The following RTN3 variants were observed in gnomAD, a reference collection of about 807,000 sequenced individuals.
RTN3 encodes reticulon 3, also known as reticulon-3.
A neutral mutation model predicts 77.8 loss-of-function variants in RTN3; 49 were observed. The ratio of observed to expected loss-of-function variants is 0.63; its 90% CI spans 0.50 to 0.80. The LOEUF is 0.80. Ranked by LOEUF, RTN3 falls within the 30% of genes least tolerant of loss-of-function variation. The pLI is 0.00. For missense variants in RTN3, 1,236 were observed against 1,211.9 expected, an observed-to-expected ratio of 1.02 and a Z score of -0.29; for synonymous variants, 464 against 446.9, an observed-to-expected ratio of 1.04 and a Z score of -0.48.
intron 1 of RTN3, among the ~76,000 whole-genome samples, chr11:63,696,738 G>T (rs1230628268): frequency 2.7e-5 from 4 of 150,608 alleles, no homozygotes; most frequent in Non-Finnish European, 5.9e-5. Context: ...TAGAGACAGG[G>T]TTTCACCATG....
At chr11:63,697,392 G>A (rs1436174432) in intron 1 of RTN3, among the ~76,000 whole-genome samples, 2 of 151,336 alleles carry the variant, frequency 1.3e-5, no homozygotes, top group East Asian at 1.9e-4. Context: ...TGCAACCTCC[G>A]TGTCCCAGAT....
At chr11:63,736,694 T>A (rs1032128570) in intron 3 of RTN3, among the ~76,000 whole-genome samples, 1 of 152,096 alleles carries the variant, frequency 6.6e-6, no homozygotes, top group Non-Finnish European at 1.5e-5. Flanking sequence ...AAAAAAATTT[T>A]AAAAAATAAG....
At chr11:63,690,112 G>A (rs1335508483) in intron 1 of RTN3, among the ~76,000 whole-genome samples, 1 of 152,070 alleles carries the variant, frequency 6.6e-6, no homozygotes. Context: ...ATTATCTCCT[G>A]TAACCATATC....
chr11:63,703,716 G>A (rs779451219), intron 1 of RTN3, among the ~76,000 whole-genome samples: 13 of 151,018 alleles, frequency 8.6e-5, no homozygotes, highest in South Asian at 2.1e-4. Context: ...CTAATTTTTT[G>A]TATTTTTCAT....
At chr11:63,727,487 C>T (rs1318526504) in intron 3 of RTN3, among the ~76,000 whole-genome samples, 1 of 151,816 alleles carries the variant, frequency 6.6e-6, no homozygotes, top group Non-Finnish European at 1.5e-5. Context: ...AAAAAAGAGT[C>T]AGGTGGGGAT....
At chr11:63,746,696 A>G (rs1189212903) in intron 3 of RTN3, among the ~76,000 whole-genome samples, 1 of 151,928 alleles carries the variant, frequency 6.6e-6, no homozygotes, top group African/African-American at 2.4e-5. Context: ...TTGTATTTTT[A>G]GTAGAGACGG....
chr11:63,737,451 A>G (rs1027682285), intron 3 of RTN3, among the ~76,000 whole-genome samples: 1 of 152,072 alleles, frequency 6.6e-6, no homozygotes, highest in African/African-American at 2.4e-5. Flanking sequence ...CTCTACTAAA[A>G]ATACAAAAAT....
intron 4 of RTN3, 127 bp downstream of exon 4, chr11:63,750,325 A>C: frequency 1.3e-6 from 1 of 768,798 alleles, no homozygotes; most frequent in African/African-American, 1.7e-5. Flanking sequence ...GATTGGTGGC[A>C]TGAAGCATCC....
At chr11:63,685,431 A>T (rs1941314245) in intron 1 of RTN3, among the ~76,000 whole-genome samples, 1 of 141,826 alleles carries the variant, frequency 7.1e-6, no homozygotes, top group South Asian at 2.4e-4. Context: ...AGGAGGCGGG[A>T]GTTGCAGTGA....
Position 63,681,684 on chromosome 11 carries a change from G to A in RTN3, c.48G>A (p.Ser16=). 6.2e-7 allele frequency: 1 copy of A among 1,611,352 alleles called. No homozygotes were observed. ...CTCAGTCCCATTCCATCTCCTCGTC[G>A]TCCTTCGGAGCCGAGCCGTCCGCGC... ...AATQSHSISS[S]SFGAEPSAPG... The change falls in exon 1 of 9, where the codon TCG becomes TCA. Residue 16 remains serine (S), a synonymous_variant. Transcript: ENST00000377819.
At chr11:63,702,692 GT>G (rs111756056) in intron 1 of RTN3, among the ~76,000 whole-genome samples, 18,760 of 135,612 alleles carry the variant, frequency 0.14, 1,240 homozygotes, top group Middle Eastern at 0.2. Context: ...TTGTTTTTTT[GT>G]TTTTTTTTTT....
chr11:63,697,390 C>T (rs1942016472), intron 1 of RTN3, among the ~76,000 whole-genome samples: 1 of 151,686 alleles, frequency 6.6e-6, no homozygotes, highest in African/African-American at 2.4e-5. Context: ...ACTGCAACCT[C>T]CGTGTCCCAG....
At chr11:63,704,628 A>T (rs1409802242) in intron 1 of RTN3, among the ~76,000 whole-genome samples, 1 of 152,166 alleles carries the variant, frequency 6.6e-6, no homozygotes, top group East Asian at 1.9e-4. Flanking sequence ...ACTAAAAAAA[A>T]AAAAATGAAT....
At chr11:63,712,119 C>G (rs2011175199) in intron 2 of RTN3, among the ~76,000 whole-genome samples, 1 of 152,198 alleles carries the variant, frequency 6.6e-6, no homozygotes, top group African/African-American at 2.4e-5. Flanking sequence ...GATAAAAGCT[C>G]TTTGAATTAT....
chr11:63,718,953 G>A lies in RTN3; in HGVS notation c.451G>A (p.Val151Ile), dbSNP rs1157477069. 6.2e-7 allele frequency: 1 copy of A among 1,614,194 alleles called. No homozygotes were observed. Among genetic ancestry groups the A allele is most frequent in the Admixed American group, 1.7e-5 (1 of 60,022 alleles). The change falls in exon 3 of 9, where the codon GTT becomes ATT. Residue 151 changes from valine to isoleucine, a missense_variant. Physicochemically the swap from Val to Ile is conservative, Grantham distance 29 (BLOSUM62 3). Around this residue, in one of 3 missense-constraint regions of RTN3, gnomAD observed 1,056 missense variants for 990.4 expected, o/e 1.07. Coordinates refer to ENST00000377819, the MANE Select transcript of RTN3 (RefSeq NM_001265589.2). Reference sequence around the variant, plus strand: ...CTCTTCAGTTTCTCTTGCAGCAGGAGTTCATTGTGACCGTCCTTCTATTCC... The same window carrying A: ...CTCTTCAGTTTCTCTTGCAGCAGGAATTCATTGTGACCGTCCTTCTATTCC... ...SDSSVSLAAG[V>I]HCDRPSIPAS...
chr11:63,757,050 A>G (rs1036707011), intron 8 of RTN3, among the ~76,000 whole-genome samples: 1 of 152,222 alleles, frequency 6.6e-6, no homozygotes, highest in Non-Finnish European at 1.5e-5. Context: ...CTCAAAAAAA[A>G]ACCAAAAAGT....
At chr11:63,727,444 T>C (rs1008118662) in intron 3 of RTN3, among the ~76,000 whole-genome samples, 1 of 152,010 alleles carries the variant, frequency 6.6e-6, no homozygotes, top group Non-Finnish European at 1.5e-5. Context: ...TTGTATTGAA[T>C]AAAAAAGAAA....
intron 3 of RTN3, among the ~76,000 whole-genome samples, chr11:63,732,495 GAAA>G (rs34055001): frequency 3.2e-5 from 4 of 125,248 alleles, no homozygotes; most frequent in African/African-American, 5.8e-5. Context: ...GACTGGACAA[GAAA>G]AAAAAAAAAG....
In RTN3 at chr11:63,754,712, A is replaced by C. The variant is rs1464005603; in HGVS notation, c.2994+1004A>C. On this transcript the variant is annotated intron_variant, in intron 7 of 8. Coordinates refer to ENST00000377819, the MANE Select transcript of RTN3 (RefSeq NM_001265589.2). Reference sequence around the variant, plus strand: ...AAGACTCCATCTCAAAAAAAAAAAAAAAAAAACGCTTAGATGGGAGATTGA... The same window carrying C: ...AAGACTCCATCTCAAAAAAAAAAAACAAAAAACGCTTAGATGGGAGATTGA... Among the ~76,000 whole-genome samples the C allele has an allele frequency of 4.7e-5, 7 of 150,020 alleles. 1 individual carries two copies. Among genetic ancestry groups the C allele is most frequent in the African/African-American group, 1.5e-4 (6 of 40,646 alleles).
Sources: gnomAD v4.1 joint callset for allele counts (sites outside exome capture counted in the v4.1 genomes callset) on GRCh38, gnomAD v4.1.1 for gene constraint, gnomAD v4.1.1 regional missense constraint, MANE v1.5 for transcripts, NCBI Gene and HGNC (gene_info 2026-07-23, HGNC 2026-07-21) for gene names.